EPHA5: variants seen among roughly 807,000 people sequenced by gnomAD.
EPHA5 encodes the protein EPH receptor A5.
A neutral mutation model predicts 105.0 loss-of-function variants in EPHA5; 60 were observed. The ratio of observed to expected loss-of-function variants is 0.57; its 90% CI spans 0.46 to 0.71. The LOEUF (loss-of-function observed/expected upper bound fraction) is 0.71, where lower values mean the gene tolerates loss of function less well. EPHA5 is among the 30% of genes least tolerant of loss of function. The probability of loss-of-function intolerance (pLI) is 0.00; values close to 1 mark genes in which losing one functional copy is unlikely to be tolerated. For missense variants in EPHA5, 1,218 were observed against 1,274.7 expected, an observed-to-expected ratio of 0.96 and a Z score of 0.68; for synonymous variants, 513 against 449.1, an observed-to-expected ratio of 1.14 and a Z score of -1.80.
intron 5 of EPHA5, among the ~76,000 whole-genome samples, chr4:65,462,835 C>T (rs912822491): frequency 3.3e-5 from 5 of 152,116 alleles, no homozygotes; most frequent in Admixed American, 2.6e-4. Context: ...GATGAAAGAC[C>T]TTTAAAGGTA....
chr4:65,476,125 A>AGGGTGTGT (rs1472563369), intron 5 of EPHA5, among the ~76,000 whole-genome samples: 1 of 132,252 alleles, frequency 7.6e-6, no homozygotes, highest in African/African-American at 2.9e-5. Context: ...AGAGAGAGAG[A>AGGGTGTGT]GAGTGTGTGT....
At chr4:65,445,600 C>A (rs1487849379) in intron 5 of EPHA5, among the ~76,000 whole-genome samples, 1 of 152,122 alleles carries the variant, frequency 6.6e-6, no homozygotes, top group Non-Finnish European at 1.5e-5. Context: ...CCTTAACTTG[C>A]AAGCTTGAAA....
At chr4:65,636,915 T>C (rs1444826303) in intron 2 of EPHA5, among the ~76,000 whole-genome samples, 1 of 152,100 alleles carries the variant, frequency 6.6e-6, no homozygotes, top group Admixed American at 6.6e-5. Flanking sequence ...CCTAGAAGAC[T>C]GAGGGAAATA....
At chr4:65,453,563 G>A (rs764221429) in intron 5 of EPHA5, among the ~76,000 whole-genome samples, 5 of 152,144 alleles carry the variant, frequency 3.3e-5, no homozygotes, top group Non-Finnish European at 5.9e-5. Context: ...TCATTAAGAA[G>A]CAAAGTAGCA....
At chr4:65,469,379 C>T (rs879611671) in intron 5 of EPHA5, among the ~76,000 whole-genome samples, 14 of 151,976 alleles carry the variant, frequency 9.2e-5, no homozygotes, top group African/African-American at 1.2e-4. Context: ...AACTAGGGTG[C>T]GAAATAGGTA....
chr4:65,606,769 A>G (rs185681310), intron 2 of EPHA5, among the ~76,000 whole-genome samples: 754 of 152,316 alleles, frequency 5.0e-3, no homozygotes, highest in Admixed American at 1.0e-2. Context: ...AATATAGCAT[A>G]TCGGTTCAAG....
intron 8 of EPHA5, among the ~76,000 whole-genome samples, chr4:65,377,924 A>G (rs918138892): frequency 1.3e-5 from 2 of 151,996 alleles, no homozygotes; most frequent in African/African-American, 4.8e-5. Context: ...CAACAGAACT[A>G]TAATGTGAGC....
At chr4:65,360,497 A>G (rs187300400) in intron 11 of EPHA5, among the ~76,000 whole-genome samples, 2 of 151,792 alleles carry the variant, frequency 1.3e-5, no homozygotes, top group Non-Finnish European at 1.5e-5. Context: ...ATGATATTGG[A>G]TAAGGTATTT....
Position 65,513,379 on chromosome 4 carries a change from T to C in EPHA5, c.911-17836A>G, listed in dbSNP as rs528365926. ...AGTATTTCAAAAGATTTGGGGTTTT[T>C]TTGTTTGTTTTGTTTTGTTTTTTCT... On this transcript the variant is annotated intron_variant, in intron 3 of 16. Coordinates refer to ENST00000613740, the MANE Select transcript of EPHA5 (RefSeq NM_001281766.3). 2.0e-5 allele frequency among the ~76,000 whole-genome samples: 3 copies of C among 152,238 alleles called. No homozygotes were observed. The South Asian group carries it at 6.2e-4, about 32-fold the overall frequency.
At chr4:65,393,737 G>GATCAATA (rs1270897777) in intron 8 of EPHA5, among the ~76,000 whole-genome samples, 10 of 152,146 alleles carry the variant, frequency 6.6e-5, no homozygotes, top group African/African-American at 2.4e-4. Flanking sequence ...TCAGCTGCAA[G>GATCAATA]ATCAATAATT....
At chr4:65,574,853 A>G (rs534666095) in intron 3 of EPHA5, among the ~76,000 whole-genome samples, 32 of 150,774 alleles carry the variant, frequency 2.1e-4, no homozygotes, top group African/African-American at 7.8e-4. Context: ...CTTTTCTTAT[A>G]AAACCCTGCA....
At chr4:65,590,546 T>C (rs1359459948) in intron 3 of EPHA5, among the ~76,000 whole-genome samples, 1 of 152,196 alleles carries the variant, frequency 6.6e-6, no homozygotes, top group African/African-American at 2.4e-5. Context: ...TGCTTTATAA[T>C]AATTGGCATG....
intron 15 of EPHA5, among the ~76,000 whole-genome samples, chr4:65,335,400 T>A (rs1721077579): frequency 6.6e-6 from 1 of 152,018 alleles, no homozygotes; most frequent in Admixed American, 6.6e-5. Context: ...ATTTATCAGT[T>A]TTAAATCTCA....
rs1246490982 is a variant in EPHA5, at chr4:65,324,138, C to T, written c.3027G>A (p.Leu1009=). ...GTTACAATGGCACCATTCCGTTTAC[C>T]AGCTGCACCTTCATTTCTTGAAGGC... is the stretch of plus-strand genomic sequence containing the variant. The part of the protein sequence containing the change: ...MNSLQEMKVQ[L]VNGMVPL The change falls in exon 17 of 17, where the codon CTG becomes CTA. Residue 1009 remains leucine (L), a synonymous_variant. Transcript: ENST00000613740. 6.2e-7 allele frequency: 1 copy of T among 1,608,804 alleles called. No individual in the cohort carries two copies. The highest frequency in any genetic ancestry group is 1.1e-5 in the South Asian group (1 of 90,838).
intron 3 of EPHA5, among the ~76,000 whole-genome samples, chr4:65,596,650 T>C (rs1357272282): frequency 6.6e-6 from 1 of 150,426 alleles, no homozygotes; most frequent in Non-Finnish European, 1.5e-5. Context: ...TTTGACTACT[T>C]AATTGCCTTG....
At position 65,332,095 on chromosome 4, in the gene EPHA5, T is replaced by C. The variant is rs1199390953; in HGVS notation, c.2823A>G (p.Leu941=). The change falls in exon 16 of 17, where the codon CTA becomes CTG. Residue 941 remains leucine, a synonymous_variant. Transcript: ENST00000613740. ...VSNLLAEHSP[L]GSGAYRSVGE... ...CTACTGATCTGTAGGCCCCAGATCCTAGTGGGCTATGTTCTGCCAATAAAT... is the reference window on the plus strand; with the variant it reads ...CTACTGATCTGTAGGCCCCAGATCCCAGTGGGCTATGTTCTGCCAATAAAT... The C allele has an allele frequency of 1.9e-6, 3 of 1,609,120 alleles. No individual in the cohort carries two copies. Among genetic ancestry groups the C allele is most frequent in the South Asian group, 2.2e-5 (2 of 90,782 alleles).
intron 1 of EPHA5, among the ~76,000 whole-genome samples, chr4:65,651,696 G>A (rs1316947114): frequency 6.6e-6 from 1 of 152,086 alleles, no homozygotes; most frequent in Non-Finnish European, 1.5e-5. Context: ...CCACAAAGAT[G>A]TTATAGACAT....
intron 2 of EPHA5, among the ~76,000 whole-genome samples, chr4:65,637,931 C>T (rs1027534478): frequency 6.6e-6 from 1 of 152,008 alleles, no homozygotes; most frequent in Non-Finnish European, 1.5e-5. Context: ...AGGACACATA[C>T]AGAAAAGTAT....
intron 7 of EPHA5, among the ~76,000 whole-genome samples, chr4:65,407,626 C>T (rs1053747688): frequency 4.6e-5 from 7 of 151,646 alleles, no homozygotes; most frequent in African/African-American, 1.5e-4. Flanking sequence ...AAAAAGCAAT[C>T]AGAGCCTATT....
Sources: allele counts gnomAD v4.1 joint callset (sites outside exome capture counted in the v4.1 genomes callset), GRCh38; gene constraint gnomAD v4.1.1; transcripts MANE v1.5; gene names NCBI Gene and HGNC (gene_info 2026-07-23, HGNC 2026-07-21).